Variants in CEP83 observed in about 807,000 individuals in gnomAD.
The protein encoded by CEP83 is centrosomal protein 83, also known as centrosomal protein of 83 kDa.
Under a neutral mutation model 101.9 loss-of-function variants are expected in CEP83, and 70 were observed. That is an observed-to-expected ratio of 0.69 (90% CI 0.57 to 0.84). CEP83 has a LOEUF of 0.84. Among genes scored for constraint, CEP83 ranks in the 40% least tolerant of loss-of-function variants. The pLI, the probability that CEP83 is intolerant of heterozygous loss-of-function variation, is 0.00. For missense variants in CEP83, 715 were observed against 787.2 expected, an observed-to-expected ratio of 0.91 and a Z score of 1.10; for synonymous variants, 264 against 267.9, an observed-to-expected ratio of 0.99 and a Z score of 0.14.
downstream of CEP83, chr12:94,305,982 A>G (rs943457418): frequency 6.6e-5 from 10 of 152,188 alleles, no homozygotes; most frequent in African/African-American, 2.2e-4. Context: ...TATTTAAATG[A>G]ACAGCATTTT....
At chr12:94,279,734 C>CCCCCCCTCCCTG in the CEP83 span, 2 of 174,584 alleles carry the variant, frequency 1.1e-5, no homozygotes, top group Non-Finnish European at 1.5e-5. Flanking sequence ...CCCCTCCCTG[C>CCCCCCCTCCCTG]CCCCACCAGC....
At chr12:94,329,197 A>G (rs1565918921) in intron 14 of CEP83, among the ~76,000 whole-genome samples, 1 of 152,180 alleles carries the variant, frequency 6.6e-6, no homozygotes. Context: ...ACATTTCAGT[A>G]GAAAAAAAAA....
At chr12:94,275,378 C>T in the CEP83 span, among the ~76,000 whole-genome samples, 3 of 152,164 alleles carry the variant, frequency 2.0e-5, no homozygotes, top group South Asian at 2.1e-4. Context: ...GCGCTTCCAT[C>T]GAGGTGTCTC....
At chr12:94,408,715 G>A (rs966983756) in intron 4 of CEP83, among the ~76,000 whole-genome samples, 4 of 152,054 alleles carry the variant, frequency 2.6e-5, no homozygotes, top group Non-Finnish European at 5.9e-5. Flanking sequence ...TAGTAGCTGG[G>A]ACTACAGGTG....
rs372235599 is a variant in CEP83, at chr12:94,400,888, G to A, written c.511C>T (p.Arg171Cys). ...TTTATTTTTCCTTCATCTAAAATAC[G>A]TGCATACTCTTCCTTCTGGTGTTCA... The part of the protein sequence containing the change: ...EFEHQKEEYA[R>C]ILDEGKIKYE... The change falls in exon 6 of 17, where the codon CGT becomes TGT. Residue 171 changes from arginine to cysteine, a missense_variant. Physicochemically the swap from Arg to Cys is radical, Grantham distance 180 (BLOSUM62 -3). Transcript: ENST00000397809. 1.7e-5 allele frequency: 25 copies of A among 1,497,990 alleles called. No individual in the cohort carries two copies. The highest frequency in any genetic ancestry group is 5.7e-5 in the African/African-American group (4 of 70,780). 92.8% of individuals were successfully genotyped at this position (1,497,990 alleles called of 1,614,324 possible).
At position 94,440,609 on chromosome 12, in the gene CEP83, A is replaced by AG. The variant is rs545884129; in HGVS notation, c.-154-5283_-154-5282insC. On this transcript the variant is annotated intron_variant, in intron 1 of 16. Coordinates refer to ENST00000397809, the MANE Select transcript of CEP83 (RefSeq NM_016122.3). The stretch of plus-strand genomic sequence containing the variant: ...GAATCAATATTGTGAAAATGACCAT[A>AG]CTGCCAAGAGCAATCTACAAATTCA... Among the ~76,000 whole-genome samples, 31 of 152,298 alleles carry AG rather than the reference A, an allele frequency of 2.0e-4. 1 individual carries two copies. In the South Asian group the frequency reaches 6.4e-3, roughly 32 times the overall value.
At chr12:94,444,101 A>C (rs1461367126) in intron 1 of CEP83, among the ~76,000 whole-genome samples, 2 of 152,204 alleles carry the variant, frequency 1.3e-5, no homozygotes, top group Non-Finnish European at 2.9e-5. Context: ...TTAGTTATCA[A>C]GAAATTTCTA....
chr12:94,333,168 A>T (rs887248116), intron 13 of CEP83, among the ~76,000 whole-genome samples: 1 of 152,006 alleles, frequency 6.6e-6, no homozygotes, highest in African/African-American at 2.4e-5. Context: ...GTTCTCTGGC[A>T]TTCAGAAGAA....
the CEP83 span, among the ~76,000 whole-genome samples, chr12:94,283,604 G>C: frequency 6.6e-6 from 1 of 152,224 alleles, no homozygotes; most frequent in Non-Finnish European, 1.5e-5. Context: ...TCAGGGATGA[G>C]AGTTTTTAAG....
chr12:94,285,973 AG>A, the CEP83 span, among the ~76,000 whole-genome samples: 1 of 152,178 alleles, frequency 6.6e-6, no homozygotes, highest in Non-Finnish European at 1.5e-5. Context: ...TGCCATTAAT[AG>A]GAGGAGGCAG....
chr12:94,315,984 G>A (rs1380295458), intron 14 of CEP83, among the ~76,000 whole-genome samples: 1 of 152,072 alleles, frequency 6.6e-6, no homozygotes, highest in Non-Finnish European at 1.5e-5. Flanking sequence ...GGGTATTCTA[G>A]TCCTTTGTAC....
At chr12:94,389,116 G>A (rs1001732929) in intron 6 of CEP83, among the ~76,000 whole-genome samples, 3 of 152,116 alleles carry the variant, frequency 2.0e-5, no homozygotes, top group African/African-American at 7.2e-5. Flanking sequence ...AACAGAGTAA[G>A]ACTTTGTCTT....
At chr12:94,383,436 A>G (rs1384570134) in intron 6 of CEP83, among the ~76,000 whole-genome samples, 1 of 152,096 alleles carries the variant, frequency 6.6e-6, no homozygotes, top group East Asian at 1.9e-4. Flanking sequence ...GTATAAAATG[A>G]CATGCATTCA....
intron 11 of CEP83, among the ~76,000 whole-genome samples, chr12:94,337,675 TTAGAGGA>T (rs2059507954): frequency 6.6e-6 from 1 of 152,074 alleles, no homozygotes; most frequent in African/African-American, 2.4e-5. Context: ...TTAACTTTCA[TTAGAGGA>T]TAAGTTAAGG....
intron 2 of CEP83, 56 bp from the exon 3 acceptor site, chr12:94,412,647 C>T: frequency 3.9e-6 from 2 of 510,026 alleles, no homozygotes; most frequent in Non-Finnish European, 3.4e-6. Context: ...CGTAAGCCTC[C>T]TTTAATGTTA....
At chr12:94,286,113 T>G in the CEP83 span, among the ~76,000 whole-genome samples, 1 of 152,212 alleles carries the variant, frequency 6.6e-6, no homozygotes, top group Non-Finnish European at 1.5e-5. Context: ...ACCTATCTGC[T>G]TAAGGATGAT....
intron 1 of CEP83, among the ~76,000 whole-genome samples, chr12:94,450,171 G>C (rs1390146936): frequency 6.6e-6 from 1 of 152,128 alleles, no homozygotes; most frequent in Non-Finnish European, 1.5e-5. Flanking sequence ...AAGCAAAAAT[G>C]AAGAAATAAA....
rs570431918 is a variant in CEP83 at position 94,364,649 on chromosome 12, T to A, written c.1343+3145A>T. Among the ~76,000 whole-genome samples, 531 of 151,954 alleles carry A rather than the reference T, an allele frequency of 3.5e-3. 1 individual carries two copies. Among genetic ancestry groups the A allele is most frequent in the African/African-American group, 7.1e-3 (293 of 41,452 alleles). On this transcript the variant is annotated intron_variant, in intron 11 of 16. Coordinates refer to ENST00000397809, the MANE Select transcript of CEP83 (RefSeq NM_016122.3). ...TAAATAAAAATTAAAACAAAAAAAA[T>A]TTTTTTAATGTAAAATGGCACATGA...
chr12:94,396,232 T>TA, intron 6 of CEP83, among the ~76,000 whole-genome samples: 1 of 151,444 alleles, frequency 6.6e-6, no homozygotes, highest in Non-Finnish European at 1.5e-5. Context: ...TTCACCTGTA[T>TA]GAAGTCCCAG....
Sources: allele counts gnomAD v4.1 joint callset (sites outside exome capture counted in the v4.1 genomes callset), GRCh38; gene constraint gnomAD v4.1.1; transcripts MANE v1.5; gene names NCBI Gene and HGNC (gene_info 2026-07-23, HGNC 2026-07-21).